Variants in RIF1 observed in about 807,000 individuals in gnomAD.
RIF1 encodes the protein replication timing regulatory factor 1, also known as telomere-associated protein RIF1.
RIF1 carries 45 observed loss-of-function variants against 247.1 expected under a neutral mutation model. The ratio of observed to expected loss-of-function variants is 0.18; its 90% CI spans 0.14 to 0.23. RIF1 has a LOEUF of 0.23. Ranked by LOEUF, RIF1 falls within the 10% of genes least tolerant of loss-of-function variation. The pLI, the probability that RIF1 is intolerant of heterozygous loss-of-function variation, is 1.00. For synonymous variants in RIF1, 1,087 were observed against 978.8 expected (o/e 1.11, Z -2.06); for missense variants, 2,967 against 2,862.5 (o/e 1.04, Z -0.83).
intron 6 of RIF1, among the ~76,000 whole-genome samples, chr2:151,419,546 G>T (rs375924158): frequency 6.6e-6 from 1 of 151,980 alleles, no homozygotes; most frequent in Admixed American, 6.6e-5. Context: ...GGATGGTCTC[G>T]ATCTCCTGAC....
chr2:151,413,931 G>A (rs985030273), intron 3 of RIF1, among the ~76,000 whole-genome samples: 2 of 152,184 alleles, frequency 1.3e-5, no homozygotes, highest in African/African-American at 4.8e-5. Context: ...GGGGTACAGG[G>A]TAAAAGTAAA....
Position 151,428,776 on chromosome 2 carries a change from CT to C in RIF1, c.787-3del. 1 of 1,595,842 alleles carries C rather than the reference CT, an allele frequency of 6.3e-7. No individual in the cohort carries two copies. The highest frequency in any genetic ancestry group is 8.6e-7 in the Non-Finnish European group (1 of 1,165,198). ...AATAACTTCTTAATGATTTTTTCCC[CT>C]TTTTAGACCTTGCATCGAAGTGGGA... On this transcript the variant is annotated splice_polypyrimidine_tract_variant and splice_region_variant and intron_variant, in intron 8 of 35. Transcript: ENST00000444746.
At chr2:151,466,281 G>A (rs1293927577) in intron 30 of RIF1, among the ~76,000 whole-genome samples, 161 bp downstream of exon 30, 1 of 151,982 alleles carries the variant, frequency 6.6e-6, no homozygotes, top group Non-Finnish European at 1.5e-5. Context: ...AGAAGAAAAG[G>A]TTTCGAAAAA....
rs779073515 is a variant in RIF1, at chr2:151,464,209, T to G, written c.4689T>G (p.Gly1563=). ...ESDSSEAKEE[G]SRKKRSGKWK... is the part of the protein sequence containing the mutation. Reference sequence around the variant, plus strand: ...ATAGTTCGGAGGCAAAAGAAGAAGGTTCTAGGAAGAAGAGATCTGGAAAAT... The same window carrying G: ...ATAGTTCGGAGGCAAAAGAAGAAGGGTCTAGGAAGAAGAGATCTGGAAAAT... The change falls in exon 30 of 36, where the codon GGT becomes GGG. Residue 1563 remains glycine (G), a synonymous_variant. Transcript: ENST00000444746. 5 of 1,613,362 alleles carry G rather than the reference T, an allele frequency of 3.1e-6. No individual in the cohort carries two copies. The highest frequency in any genetic ancestry group is 4.2e-6 in the Non-Finnish European group (5 of 1,179,896).
intron 9 of RIF1, chr2:151,490,128 CT>C: frequency 7.1e-7 from 1 of 1,406,022 alleles, no homozygotes; most frequent in Non-Finnish European, 9.9e-7. Flanking sequence ...GCTAGGTATC[CT>C]TTAATCTGTG....
Position 151,457,644 on chromosome 2 carries a change from A to G in RIF1, c.2653-117A>G, listed in dbSNP as rs969190979. ...AGTTATAAAGAGGGATATATATTTA[A>G]GGCAACAGTGGGGGTTAGTTTAAAA... On this transcript the variant is annotated intron_variant, in intron 23 of 35. Coordinates refer to ENST00000444746, the MANE Select transcript of RIF1 (RefSeq NM_018151.5). 5.0e-5 allele frequency: 34 copies of G among 678,982 alleles called. 1 individual carries two copies. The highest frequency in any genetic ancestry group is 2.5e-4 in the Admixed American group (9 of 36,474). The allele number at this position is 678,982 out of a possible 1,614,324, so 42.1% of individuals were successfully genotyped here.
Position 151,443,276 on chromosome 2 carries a change from C to T in RIF1, c.1752C>T (p.Phe584=). The change falls in exon 17 of 36, where the codon TTC becomes TTT. Residue 584 remains phenylalanine (F), a synonymous_variant. Transcript: ENST00000444746. ...TCCTTCAGGGAACTCCAGCTTTGTT[C>T]TTAATTCAATTAATTTTCAACAATT... ...MDILNGTPAL[F]LIQLIFNNFL... is the part of the protein sequence containing the mutation. 1 of 1,595,896 alleles carries T rather than the reference C, an allele frequency of 6.3e-7. No homozygotes were observed. Among genetic ancestry groups the T allele is most frequent in the Non-Finnish European group, 8.6e-7 (1 of 1,164,788 alleles).
downstream of RIF1, among the ~76,000 whole-genome samples, chr2:151,511,111 G>A (rs2073930750): frequency 6.6e-6 from 1 of 152,354 alleles, no homozygotes; most frequent in African/African-American, 2.4e-5. Flanking sequence ...TCCACATGCT[G>A]AAGCTTTCGT....
chr2:151,461,415 G>A (rs367890620), intron 27 of RIF1, 126 bp downstream of exon 27: 33 of 814,172 alleles, frequency 4.1e-5, no homozygotes, highest in East Asian at 1.5e-4. Flanking sequence ...TTTTTGACAC[G>A]GAGTTTCACT....
At chr2:151,493,532 T>G in intron 9 of RIF1, 1 of 860,614 alleles carries the variant, frequency 1.2e-6, no homozygotes, top group Non-Finnish European at 1.8e-6. Context: ...TGGCTCATGT[T>G]ATGGCTCAGT....
At position 151,497,278 on chromosome 2, in the gene RIF1, G is replaced by GTTATT. The variant is rs199868095; in HGVS notation, c.*513+1955_*513+1959dup. ...GGGAAAGGCTGTCAGAGTTATCCAT[G>GTTATT]TTATTTTTTTTTTTCCTTTTTTGTG... On this transcript the variant is annotated intron_variant and NMD_transcript_variant, in intron 10 of 13. Transcript: ENST00000454583. 1,831 of 919,360 alleles carry GTTATT rather than the reference G, an allele frequency of 2.0e-3. 33 individuals are homozygous for GTTATT. The African/African-American group carries it at 0.031, about 15-fold the overall frequency. 57.0% of individuals were successfully genotyped at this position (919,360 alleles called of 1,614,324 possible).
At chr2:151,424,342 T>C (rs948014373) in intron 8 of RIF1, among the ~76,000 whole-genome samples, 4 of 152,214 alleles carry the variant, frequency 2.6e-5, no homozygotes, top group East Asian at 1.9e-4. Context: ...GACCTTGTTA[T>C]CTGCCCACCT....
At chr2:151,411,621 G>A (rs944267782) in intron 3 of RIF1, among the ~76,000 whole-genome samples, 5 of 151,996 alleles carry the variant, frequency 3.3e-5, no homozygotes, top group African/African-American at 9.7e-5. Flanking sequence ...GGCTGGTCTC[G>A]AACTCCCGAC....
downstream of RIF1, chr2:151,512,864 T>G: frequency 6.6e-6 from 10 of 1,504,420 alleles, no homozygotes; most frequent in Non-Finnish European, 9.2e-6. Flanking sequence ...AATAGTTGGG[T>G]AAATGTTTGC....
chr2:151,503,056 G>A, exon 12 of RIF1: 1 of 587,308 alleles, frequency 1.7e-6, no homozygotes, highest in East Asian at 2.9e-5. Context: ...ACTCTACAAT[G>A]CTAATTCTGG....
Position 151,496,976 on chromosome 2 carries a change from C to CCAT in RIF1, c.*513+1652_*513+1654dup, listed in dbSNP as rs942843328. The CCAT allele has an allele frequency of 6.3e-6, 10 of 1,581,242 alleles. No homozygotes were observed. The highest frequency in any genetic ancestry group is 3.3e-4 in the Middle Eastern group (2 of 6,046). ...TTTTCTTGATTGTGTTTGACTCTCT[C>CCAT]CATCTCAGGAGTGACAGGTAGAGGG... On this transcript the variant is annotated intron_variant and NMD_transcript_variant, in intron 10 of 13. Transcript: ENST00000454583.
At chr2:151,490,283 A>G (rs1018408344) in intron 9 of RIF1, 14 of 1,475,548 alleles carry the variant, frequency 9.5e-6, no homozygotes, top group African/African-American at 2.8e-5. Context: ...AAATTTTTAA[A>G]TTTGTTTTTG....
downstream of RIF1, chr2:151,512,698 G>A: frequency 7.3e-7 from 1 of 1,376,292 alleles, no homozygotes; most frequent in Non-Finnish European, 1.0e-6. Context: ...TTCATGATTG[G>A]GGTTTATGAG....
intron 12 of RIF1, chr2:151,505,490 C>CT: frequency 6.2e-7 from 1 of 1,613,524 alleles, no homozygotes; most frequent in Non-Finnish European, 8.5e-7. Flanking sequence ...AGCTAATGTG[C>CT]TTCTGCGTCT....
Sources: gnomAD v4.1 joint callset for allele counts (sites outside exome capture counted in the v4.1 genomes callset) on GRCh38, gnomAD v4.1.1 for gene constraint, MANE v1.5 for transcripts, NCBI Gene and HGNC (gene_info 2026-07-23, HGNC 2026-07-21) for gene names.